The following ITGBL1 variants were observed in gnomAD, a reference collection of about 807,000 sequenced individuals.
ITGBL1 encodes the protein integrin beta-like protein 1.
ITGBL1 carries 51 observed loss-of-function variants against 68.5 expected under a neutral mutation model. The observed-to-expected ratio is 0.74, with a 90% CI of 0.59 to 0.94. The LOEUF (loss-of-function observed/expected upper bound fraction) is 0.94. Ranked by LOEUF, ITGBL1 falls within the 40% of genes least tolerant of loss-of-function variation. ITGBL1 has a pLI of 0.00. For synonymous variants in ITGBL1, 209 were observed against 227.3 expected, an observed-to-expected ratio of 0.92 and a Z score of 0.72; for missense variants, 649 against 647.4, an observed-to-expected ratio of 1.00 and a Z score of -0.03.
intron 7 of ITGBL1, among the ~76,000 whole-genome samples, chr13:101,657,460 TC>T (rs1212213304): frequency 2.0e-5 from 3 of 152,134 alleles, no homozygotes; most frequent in Admixed American, 6.6e-5. Flanking sequence ...TCAAACATTT[TC>T]TTTAAAACTC....
intron 2 of ITGBL1, chr13:101,490,027 AT>A: frequency 7.5e-7 from 1 of 1,328,864 alleles, no homozygotes; most frequent in Non-Finnish European, 1.0e-6. Flanking sequence ...ATTAAATTTT[AT>A]TAGCATTTTG....
At chr13:101,659,992 T>C in intron 7 of ITGBL1, among the ~76,000 whole-genome samples, 1 of 152,088 alleles carries the variant, frequency 6.6e-6, no homozygotes, top group Non-Finnish European at 1.5e-5. Context: ...GACCAAATAA[T>C]TATTTGCTGT....
chr13:101,622,944 T>TG (rs1594937161), intron 7 of ITGBL1, among the ~76,000 whole-genome samples: 5 of 151,104 alleles, frequency 3.3e-5, no homozygotes, highest in Admixed American at 2.0e-4. Flanking sequence ...TGTGTGTGTG[T>TG]TTTCCTGTAG....
chr13:101,548,045 C>T (rs935815302), intron 2 of ITGBL1, among the ~76,000 whole-genome samples: 3 of 150,052 alleles, frequency 2.0e-5, no homozygotes, highest in African/African-American at 7.4e-5. Context: ...TTGTTACCAC[C>T]AAGTGCTTAA....
chr13:101,719,043 G>GA (rs1234738545), downstream of ITGBL1: 2 of 152,004 alleles, frequency 1.3e-5, no homozygotes, highest in Non-Finnish European at 1.5e-5. Context: ...AATTAAAATG[G>GA]AAAAAATATT....
chr13:101,493,806 TTTC>T (rs2048816189), intron 2 of ITGBL1, among the ~76,000 whole-genome samples: 1 of 152,246 alleles, frequency 6.6e-6, no homozygotes, highest in Admixed American at 6.5e-5. Flanking sequence ...CTATCTGATG[TTTC>T]TTCTTTGGGG....
At chr13:101,482,745 T>TG (rs2048643741) in intron 2 of ITGBL1, among the ~76,000 whole-genome samples, 1 of 152,108 alleles carries the variant, frequency 6.6e-6, no homozygotes, top group African/African-American at 2.4e-5. Context: ...TGACATTATT[T>TG]GGGGTCCGTA....
At chr13:101,555,160 A>G (rs1037683679) in intron 2 of ITGBL1, among the ~76,000 whole-genome samples, 1 of 152,224 alleles carries the variant, frequency 6.6e-6, no homozygotes, top group Non-Finnish European at 1.5e-5. Flanking sequence ...CCAGCTTAAA[A>G]AATAGAATTT....
chr13:101,684,628 C>T (rs1159102420), intron 7 of ITGBL1, among the ~76,000 whole-genome samples: 5 of 151,900 alleles, frequency 3.3e-5, no homozygotes, highest in Non-Finnish European at 7.4e-5. Context: ...GCATTGTCTA[C>T]ATGCACAGTT....
In ITGBL1 at chr13:101,598,188, A is replaced by C; in HGVS notation, c.904A>C (p.Lys302Gln). The change falls in exon 7 of 11, where the codon AAA (lysine) becomes CAA (glutamine). Residue 302 changes from lysine (K) to glutamine (Q), a missense_variant. Transcript: ENST00000376180. ...GQCNCGRCDC[K>Q]AGWYGKKCEH... ...GTGTAATTGCGGAAGATGTGACTGC[A>C]AAGCAGGCTGGTATGGGAAGAAGTG... 4.3e-6 allele frequency: 7 copies of C among 1,613,730 alleles called. No homozygotes were observed. Among genetic ancestry groups the C allele is most frequent in the Non-Finnish European group, 5.9e-6 (7 of 1,179,818 alleles).
At chr13:101,686,676 T>C (rs1345088100) in intron 7 of ITGBL1, among the ~76,000 whole-genome samples, 1 of 151,976 alleles carries the variant, frequency 6.6e-6, no homozygotes, top group Non-Finnish European at 1.5e-5. Flanking sequence ...ATGTGGATTA[T>C]GTTGAGATAA....
At chr13:101,490,052 A>G in intron 2 of ITGBL1, 1 of 1,088,038 alleles carries the variant, frequency 9.2e-7, no homozygotes, top group Non-Finnish European at 1.3e-6. Context: ...TGGACTGAAT[A>G]TTTGTTTACC....
At chr13:101,488,922 G>A (rs2048737481) in intron 2 of ITGBL1, among the ~76,000 whole-genome samples, 1 of 152,156 alleles carries the variant, frequency 6.6e-6, no homozygotes, top group Admixed American at 6.5e-5. Context: ...CATTTTGCCT[G>A]CAGCCGCTGA....
chr13:101,534,783 CAG>C (rs1218947545), intron 2 of ITGBL1, among the ~76,000 whole-genome samples: 3 of 152,124 alleles, frequency 2.0e-5, no homozygotes, highest in African/African-American at 7.2e-5. Context: ...GTTGAGTGCT[CAG>C]AGAAATCTGG....
At chr13:101,487,752 T>C (rs912589664) in intron 2 of ITGBL1, among the ~76,000 whole-genome samples, 4 of 152,254 alleles carry the variant, frequency 2.6e-5, no homozygotes, top group African/African-American at 9.6e-5. Flanking sequence ...TAAGGAATTC[T>C]TATGCTTTTT....
Position 101,453,976 on chromosome 13 carries a change from C to T in ITGBL1, c.192C>T (p.His64=), listed in dbSNP as rs369150841. The T allele has an allele frequency of 2.2e-4, 334 of 1,529,952 alleles. 3 individuals are homozygous for T. In the South Asian group the frequency reaches 3.5e-3, roughly 16 times the overall value. 94.8% of individuals were successfully genotyped at this position (1,529,952 alleles called of 1,614,324 possible). A position where few individuals can be genotyped will look rare whatever the true frequency, so the allele number is the denominator to read the frequency against. The stretch of plus-strand genomic sequence containing the variant: ...AGCCCCCGGGGGCCGCGCTGTGCCA[C>T]GGCCGGGGCCGCTGCGACTGCGGCG... ...PGQPPGAALC[H]GRGRCDCGVC... The change falls in exon 2 of 11, where the codon CAC becomes CAT. Residue 64 remains histidine, a synonymous_variant. Transcript: ENST00000376180.
chr13:101,588,693 TAAAA>T (rs3063720), intron 6 of ITGBL1, among the ~76,000 whole-genome samples: 2 of 147,676 alleles, frequency 1.4e-5, no homozygotes, highest in Non-Finnish European at 1.5e-5. Context: ...ATTTGTCTAT[TAAAA>T]AAAAAAAAAA....
intron 2 of ITGBL1, among the ~76,000 whole-genome samples, chr13:101,500,526 AATT>A (rs2048925157): frequency 6.6e-6 from 1 of 152,186 alleles, no homozygotes; most frequent in South Asian, 2.1e-4. Flanking sequence ...TATTCTTTCA[AATT>A]ACATGAATTT....
chr13:101,541,815 T>A (rs781293700), intron 2 of ITGBL1, among the ~76,000 whole-genome samples: 5 of 152,236 alleles, frequency 3.3e-5, no homozygotes, highest in Non-Finnish European at 7.3e-5. Context: ...TTTATCCATT[T>A]CTTCTAGATT....
Sources: allele counts gnomAD v4.1 joint callset (sites outside exome capture counted in the v4.1 genomes callset), GRCh38; gene constraint gnomAD v4.1.1; transcripts MANE v1.5; gene names NCBI Gene and HGNC (gene_info 2026-07-23, HGNC 2026-07-21).